CFTR: variants seen among roughly 807,000 people sequenced by gnomAD.
CFTR encodes cystic fibrosis transmembrane conductance regulator.
In CFTR, 181 loss-of-function variants were observed where a neutral mutation model predicts 171.6. The observed-to-expected ratio is 1.05, with a 90% CI of 0.93 to 1.19. CFTR has a LOEUF of 1.19. CFTR is among the 50% of genes most tolerant of loss of function. CFTR has a pLI of 0.00. For missense variants in CFTR, 1,968 were observed against 1,734.7 expected, an observed-to-expected ratio of 1.13 and a Z score of -2.39; for synonymous variants, 583 against 608.0, an observed-to-expected ratio of 0.96 and a Z score of 0.60.
At position 117,523,076 on chromosome 7, in the gene CFTR, C is replaced by T. The variant is rs937593298; in HGVS notation, c.274-7823C>T. ...CTGCATTTTAGTTTGTAAACATGCC[C>T]TTCCAGAGTAATGCTACCAGTTCTT... is the stretch of plus-strand genomic sequence containing the variant. On this transcript the variant is annotated intron_variant, in intron 3 of 26. Transcript: ENST00000003084. 1.4e-4 allele frequency among the ~76,000 whole-genome samples: 21 copies of T among 152,134 alleles called. 1 individual carries two copies. The highest frequency in any genetic ancestry group is 7.4e-5 in the Non-Finnish European group (5 of 68,020).
intron 22 of CFTR, among the ~76,000 whole-genome samples, chr7:117,628,842 C>T (rs1289083315): frequency 6.6e-6 from 1 of 151,874 alleles, no homozygotes; most frequent in Non-Finnish European, 1.5e-5. Flanking sequence ...TCAGTGAATA[C>T]CATAGGTAGC....
Position 117,642,423 on chromosome 7 carries a change from A to C in CFTR, c.3718-15A>C, listed in dbSNP as rs756215375. ...TATATGTCACAGAAGTGATCCCATC[A>C]CTTTTACCTTATAGGTGGGCCTCTT... is the stretch of plus-strand genomic sequence containing the variant. On this transcript the variant is annotated splice_polypyrimidine_tract_variant and intron_variant, in intron 22 of 26. Transcript: ENST00000003084. 1.2e-5 allele frequency: 20 copies of C among 1,611,776 alleles called. No individual in the cohort carries two copies. Among genetic ancestry groups the C allele is most frequent in the Non-Finnish European group, 1.6e-5 (19 of 1,178,100 alleles).
chr7:117,634,800 T>C (rs1792801527), intron 22 of CFTR, among the ~76,000 whole-genome samples: 1 of 152,156 alleles, frequency 6.6e-6, no homozygotes, highest in Non-Finnish European at 1.5e-5. Context: ...AATTCCATTG[T>C]GGTCTGAGAG....
At chr7:117,657,106 G>A (rs1450159376) in intron 24 of CFTR, among the ~76,000 whole-genome samples, 1 of 152,168 alleles carries the variant, frequency 6.6e-6, no homozygotes, top group African/African-American at 2.4e-5. Flanking sequence ...ACAATGCAAT[G>A]GGAGGGAAAC....
In CFTR at chr7:117,521,789, G is replaced by A. The variant is rs543885770; in HGVS notation, c.274-9110G>A. On this transcript the variant is annotated intron_variant, in intron 3 of 26. Coordinates refer to ENST00000003084, the MANE Select transcript of CFTR (RefSeq NM_000492.4). ...TAATTTTTAAAGTAAAGTTTTCTGG[G>A]TTTAATTCATTTAGTGTAATTACAA... Among the ~76,000 whole-genome samples, 76 of 152,100 alleles carry A rather than the reference G, an allele frequency of 5.0e-4. 1 individual carries two copies. Among genetic ancestry groups the A allele is most frequent in the Middle Eastern group, 3.4e-3 (1 of 294 alleles).
In CFTR at chr7:117,533,846, AC is replaced by A. The variant is rs199704210; in HGVS notation, c.490-429del. 4.6e-3 allele frequency among the ~76,000 whole-genome samples: 703 copies of A among 152,296 alleles called. 5 individuals are homozygous for A. The highest frequency in any genetic ancestry group is 0.016 in the African/African-American group (651 of 41,584). ...TTAATTATTCAGTTATTCATCATAT[AC>A]TTTTATTGACTTAAAAGTAATTTTA... is the stretch of plus-strand genomic sequence containing the variant. On this transcript the variant is annotated intron_variant, in intron 4 of 26. Coordinates refer to ENST00000003084, the MANE Select transcript of CFTR (RefSeq NM_000492.4).
chr7:117,590,324 A>T, intron 12 of CFTR, 29 bp from the exon 13 acceptor site: 2 of 1,595,712 alleles, frequency 1.3e-6, no homozygotes, highest in Non-Finnish European at 1.7e-6. Flanking sequence ...TAGAGAGGAA[A>T]TGTAATTTAA....
chr7:117,539,538 A>T (rs1460238713), intron 7 of CFTR, among the ~76,000 whole-genome samples: 1 of 152,088 alleles, frequency 6.6e-6, no homozygotes, highest in Non-Finnish European at 1.5e-5. Context: ...TGATTTTTAC[A>T]CATGCTAAGG....
At chr7:117,581,055 G>T (rs1485882534) in intron 11 of CFTR, among the ~76,000 whole-genome samples, 1 of 152,084 alleles carries the variant, frequency 6.6e-6, no homozygotes, top group Non-Finnish European at 1.5e-5. Context: ...GTAATAAGAT[G>T]AATAAAAATA....
At chr7:117,584,154 G>C (rs981855002) in intron 11 of CFTR, among the ~76,000 whole-genome samples, 1 of 151,952 alleles carries the variant, frequency 6.6e-6, no homozygotes, top group East Asian at 1.9e-4. Flanking sequence ...TTATTTTGCT[G>C]TGCAAAAGCT....
At chr7:117,638,782 AT>A (rs1182663505) in intron 22 of CFTR, among the ~76,000 whole-genome samples, 3 of 145,430 alleles carry the variant, frequency 2.1e-5, no homozygotes, top group Non-Finnish European at 3.0e-5. Context: ...AAATAAAAAA[AT>A]AAAATAAAAC....
intron 22 of CFTR, among the ~76,000 whole-genome samples, chr7:117,639,792 A>G (rs1048645856): frequency 6.6e-6 from 1 of 152,198 alleles, no homozygotes; most frequent in Admixed American, 6.5e-5. Context: ...CATATTCTCA[A>G]TACTATGTTT....
chr7:117,510,770 CA>C (rs1467401873), intron 3 of CFTR, among the ~76,000 whole-genome samples: 1 of 151,808 alleles, frequency 6.6e-6, no homozygotes, highest in African/African-American at 2.4e-5. Context: ...TGGTGCATGC[CA>C]AAAAATAAAC....
intron 23 of CFTR, among the ~76,000 whole-genome samples, chr7:117,649,277 GATGT>G (rs763216523): frequency 0.043 from 6,220 of 146,050 alleles, 177 homozygotes; most frequent in African/African-American, 0.068. Flanking sequence ...TTATACATGG[GATGT>G]GTGTGTGTGT....
At chr7:117,586,936 T>C (rs1393110028) in intron 11 of CFTR, among the ~76,000 whole-genome samples, 1 of 152,236 alleles carries the variant, frequency 6.6e-6, no homozygotes, top group Non-Finnish European at 1.5e-5. Flanking sequence ...AACTGTTTTA[T>C]AAACTATCTT....
chr7:117,516,834 T>C (rs2116651201), intron 3 of CFTR, among the ~76,000 whole-genome samples: 1 of 152,322 alleles, frequency 6.6e-6, no homozygotes, highest in African/African-American at 2.4e-5. Context: ...CTTTAAGTTA[T>C]CAAATCACAG....
chr7:117,563,756 A>G (rs1791554258), intron 11 of CFTR, among the ~76,000 whole-genome samples: 1 of 152,206 alleles, frequency 6.6e-6, no homozygotes, highest in South Asian at 2.1e-4. Context: ...TTTAAAAAAT[A>G]AACAATTTAT....
rs754159235 is a variant in CFTR at position 117,542,064 on chromosome 7, A to T, written c.1165A>T (p.Thr389Ser). ...TAAGACATTGGAATATAACTTAACG[A>T]CTACAGAAGTAGTGATGGAGAATGT... ...EYKTLEYNLT[T>S]TEVVMENVTA... The change falls in exon 9 of 27, where the codon ACT (threonine) becomes TCT (serine). Residue 389 changes from threonine (T) to serine (S), a missense_variant. Coordinates refer to ENST00000003084, the MANE Select transcript of CFTR (RefSeq NM_000492.4). 1.2e-6 allele frequency: 2 copies of T among 1,603,938 alleles called. No homozygotes were observed. The highest frequency in any genetic ancestry group is 1.1e-5 in the South Asian group (1 of 90,842).
chr7:117,666,847 TG>T, intron 26 of CFTR, 60 bp from the exon 27 acceptor site: 1 of 1,437,144 alleles, frequency 7.0e-7, no homozygotes, highest in Non-Finnish European at 9.8e-7. Context: ...TGCCAGTTTC[TG>T]TCCCTGCTCT....
Sources: gnomAD v4.1 joint callset for allele counts (sites outside exome capture counted in the v4.1 genomes callset) on GRCh38, gnomAD v4.1.1 for gene constraint, MANE v1.5 for transcripts, NCBI Gene and HGNC (gene_info 2026-07-23, HGNC 2026-07-21) for gene names.